Variants in NAT1 observed in about 807,000 individuals in gnomAD.
The protein encoded by NAT1 is N-acetyltransferase 1.
For synonymous variants in NAT1, 144 were observed against 122.6 expected (o/e 1.17, Z -1.16); for missense variants, 400 against 339.2 (o/e 1.18, Z -1.41).
intron 2 of NAT1, among the ~76,000 whole-genome samples, chr8:18,192,851 A>T (rs967968266): frequency 1.3e-5 from 2 of 151,116 alleles, no homozygotes; most frequent in African/African-American, 4.9e-5. Flanking sequence ...GGGGTGGGGG[A>T]AGGGGGGAGG....
chr8:18,187,905 C>A (rs1475131493), intron 2 of NAT1, among the ~76,000 whole-genome samples: 10 of 149,294 alleles, frequency 6.7e-5, no homozygotes, highest in Non-Finnish European at 1.2e-4. Context: ...TTTATTCCCT[C>A]TCAATTTGTA....
intron 2 of NAT1, among the ~76,000 whole-genome samples, chr8:18,176,907 A>G (rs904033800): frequency 6.6e-6 from 1 of 151,978 alleles, no homozygotes; most frequent in African/African-American, 2.4e-5. Flanking sequence ...TCAATGTTTT[A>G]TAGCTTTTAG....
intron 2 of NAT1, among the ~76,000 whole-genome samples, chr8:18,201,815 C>T (rs868538135): frequency 1.3e-5 from 2 of 152,274 alleles, no homozygotes; most frequent in South Asian, 2.1e-4. Flanking sequence ...TCTAAGTGCT[C>T]TACCTTCCAG....
chr8:18,222,238 G>T lies in NAT1; in HGVS notation c.191G>T (p.Arg64Leu), dbSNP rs138061602. 2 of 1,614,072 alleles carry T rather than the reference G, an allele frequency of 1.2e-6. No individual in the cohort carries two copies. The highest frequency in any genetic ancestry group is 1.7e-6 in the Non-Finnish European group (2 of 1,179,998). Residue 64 changes from arginine to leucine, a missense_variant, in exon 3 of 3, where the codon CGG (arginine) becomes CTG (leucine). Transcript: ENST00000307719. The stretch of plus-strand genomic sequence containing the variant: ...TTTGATCAAGTTGTGAGAAGAAATC[G>T]GGGTGGATGGTGTCTCCAGGTCAAT... ...AIFDQVVRRN[R>L]GGWCLQVNHL...
At chr8:18,199,359 C>A (rs754390095) in intron 2 of NAT1, among the ~76,000 whole-genome samples, 5 of 150,302 alleles carry the variant, frequency 3.3e-5, no homozygotes, top group Non-Finnish European at 5.9e-5. Context: ...TGGCGCCTTT[C>A]TTGTTGGCGT....
intron 2 of NAT1, among the ~76,000 whole-genome samples, chr8:18,196,403 A>G (rs1449364906): frequency 6.6e-6 from 1 of 152,112 alleles, no homozygotes; most frequent in Non-Finnish European, 1.5e-5. Context: ...ATGAGGAAAA[A>G]AGAAAAAAAA....
intron 2 of NAT1, among the ~76,000 whole-genome samples, chr8:18,182,338 C>T (rs910322318): frequency 1.3e-5 from 2 of 152,000 alleles, no homozygotes; most frequent in Non-Finnish European, 2.9e-5. Flanking sequence ...ATAATTAATG[C>T]CTTTTATGTT....
chr8:18,193,787 C>T (rs1803120283), intron 2 of NAT1, among the ~76,000 whole-genome samples: 1 of 151,226 alleles, frequency 6.6e-6, no homozygotes, highest in African/African-American at 2.4e-5. Flanking sequence ...GATACAGGTG[C>T]CTGCCACCAC....
intron 2 of NAT1, among the ~76,000 whole-genome samples, chr8:18,182,583 A>G (rs1802563789): frequency 6.6e-6 from 1 of 152,218 alleles, no homozygotes; most frequent in Admixed American, 6.5e-5. Flanking sequence ...TGGTGTCCAC[A>G]TGAGTGGGTC....
intron 2 of NAT1, among the ~76,000 whole-genome samples, chr8:18,204,804 G>T (rs775637472): frequency 2.0e-5 from 3 of 152,282 alleles, no homozygotes; most frequent in Non-Finnish European, 4.4e-5. Flanking sequence ...TGTAATTTTG[G>T]TGAAGAATGT....
At chr8:18,214,575 A>C (rs1804440707) in intron 1 of NAT1, among the ~76,000 whole-genome samples, 1 of 152,216 alleles carries the variant, frequency 6.6e-6, no homozygotes, top group Admixed American at 6.5e-5. Context: ...TTAATAATTT[A>C]ACAAAAATAT....
rs79258533 is a variant in NAT1 at position 18,190,145 on chromosome 8, A to G, written n.92+19406A>G. Reference sequence around the variant, plus strand: ...TGTTTTAATTTAATTCAGCTCTTATAAGAACCTGATGAGTGAGATGATCTT... The same window carrying G: ...TGTTTTAATTTAATTCAGCTCTTATGAGAACCTGATGAGTGAGATGATCTT... On this transcript the variant is annotated intron_variant and non_coding_transcript_variant, in intron 2 of 4. Coordinates refer to the NAT1 transcript ENST00000517441. Among the ~76,000 whole-genome samples, 1,180 of 152,316 alleles carry G rather than the reference A, an allele frequency of 7.7e-3. 23 individuals are homozygous for G. Among genetic ancestry groups the G allele is most frequent in the African/African-American group, 0.027 (1,128 of 41,568 alleles).
chr8:18,216,683 A>G (rs1175949174), intron 1 of NAT1, among the ~76,000 whole-genome samples: 1 of 152,182 alleles, frequency 6.6e-6, no homozygotes, highest in Non-Finnish European at 1.5e-5. Context: ...GGGCCTGGCA[A>G]GAGAGTGGCT....
intron 2 of NAT1, among the ~76,000 whole-genome samples, chr8:18,196,722 A>C (rs1382916822): frequency 2.6e-5 from 4 of 152,224 alleles, no homozygotes; most frequent in Non-Finnish European, 5.9e-5. Flanking sequence ...CAGGGAGGGA[A>C]GGTGCATCAT....
chr8:18,214,080 T>C (rs371016353), intron 1 of NAT1, among the ~76,000 whole-genome samples: 43 of 152,302 alleles, frequency 2.8e-4, no homozygotes, highest in African/African-American at 7.9e-4. Flanking sequence ...CCCAAAGTGC[T>C]GGGATTACAG....
chr8:18,194,061 G>A (rs1803131639), intron 2 of NAT1, among the ~76,000 whole-genome samples: 1 of 152,150 alleles, frequency 6.6e-6, no homozygotes. Flanking sequence ...GGCTTGATGT[G>A]TAGCCCCCTG....
chr8:18,184,415 T>A (rs1295723637), intron 2 of NAT1, among the ~76,000 whole-genome samples: 2 of 152,126 alleles, frequency 1.3e-5, no homozygotes, highest in Non-Finnish European at 2.9e-5. Context: ...TCTGGGCCTG[T>A]GATTAGAGGG....
rs370302501 is a variant in NAT1 at position 18,222,499 on chromosome 8, G to A, written c.452G>A (p.Arg151His). Residue 151 changes from arginine (R) to histidine (H), a missense_variant, in exon 3 of 3, where the codon CGT becomes CAT. Coordinates refer to ENST00000307719, the MANE Select transcript of NAT1 (RefSeq NM_000662.8). ...KDQPQVPCVF[R>H]LTEENGFWYL... ...CAGCCTCAGGTGCCTTGTGTCTTCC[G>A]TTTGACGGAAGAGAATGGATTCTGG... 4.6e-5 allele frequency: 74 copies of A among 1,614,054 alleles called. No homozygotes were observed. Among genetic ancestry groups the A allele is most frequent in the African/African-American group, 3.6e-4 (27 of 74,998 alleles).
chr8:18,202,898 G>C (rs550097093), intron 2 of NAT1, among the ~76,000 whole-genome samples: 1 of 152,134 alleles, frequency 6.6e-6, no homozygotes, highest in Admixed American at 6.5e-5. Flanking sequence ...TCCCACACAC[G>C]TCCTGCTGAT....
Sources: gnomAD v4.1 joint callset for allele counts (sites outside exome capture counted in the v4.1 genomes callset) on GRCh38, gnomAD v4.1.1 for gene constraint, MANE v1.5 for transcripts, NCBI Gene and HGNC (gene_info 2026-07-23, HGNC 2026-07-21) for gene names.